Variants in CRYBG3 observed in about 807,000 individuals in gnomAD.
CRYBG3 encodes crystallin beta-gamma domain containing 3.
In CRYBG3, 127 loss-of-function variants were observed where a neutral mutation model predicts 244.2. The observed-to-expected ratio is 0.52, with a 90% CI of 0.45 to 0.60. The LOEUF is 0.60. Among genes scored for constraint, CRYBG3 ranks in the 20% least tolerant of loss-of-function variants. The probability of loss-of-function intolerance (pLI) is 0.00; values close to 1 mark genes in which losing one functional copy is unlikely to be tolerated. For synonymous variants in CRYBG3, 1,132 were observed against 1,195.8 expected (o/e 0.95, Z 1.10); for missense variants, 3,325 against 3,442.5 (o/e 0.97, Z 0.85).
chr3:97,911,676 C>A (rs181489726), intron 15 of CRYBG3, among the ~76,000 whole-genome samples: 1 of 152,202 alleles, frequency 6.6e-6, no homozygotes, highest in Non-Finnish European at 1.5e-5. Context: ...GGCATGTGCT[C>A]GTGCTCTCCT....
intron 3 of CRYBG3, among the ~76,000 whole-genome samples, chr3:97,865,434 T>C (rs140504385): frequency 2.0e-5 from 3 of 152,190 alleles, no homozygotes; most frequent in Admixed American, 6.5e-5. Flanking sequence ...GGAAGTTCTT[T>C]ATAGTTTCCA....
At position 97,870,754 on chromosome 3, in the gene CRYBG3, G is replaced by T. The variant is rs768015841; in HGVS notation, c.648-1088G>T. On this transcript the variant is annotated intron_variant, in intron 3 of 21. Transcript: ENST00000389622. ...TTCCTTTACTTATTCATTAATTCAT[G>T]AGAAGGTATTAAGCATATACAACTT... Among the ~76,000 whole-genome samples the T allele has an allele frequency of 5.9e-5, 9 of 152,140 alleles. No individual in the cohort carries two copies. In the East Asian group the frequency reaches 1.7e-3, roughly 29 times the overall value.
At position 97,922,210 on chromosome 3, in the gene CRYBG3, T is replaced by C. The variant is rs1270701596; in HGVS notation, c.8241+6474T>C. On this transcript the variant is annotated intron_variant, in intron 17 of 21. Coordinates refer to ENST00000389622, the MANE Select transcript of CRYBG3 (RefSeq NM_153605.4). ...ATTCAAGATGGATTAAAGACTTAAA[T>C]GTTAGACCTAAAACCATAAAAACCC... Among the ~76,000 whole-genome samples, 11 of 152,214 alleles carry C rather than the reference T, an allele frequency of 7.2e-5. 1 individual carries two copies. Among genetic ancestry groups the C allele is most frequent in the African/African-American group, 2.2e-4 (9 of 41,554 alleles).
chr3:97,935,764 G>A (rs2040157394), intron 18 of CRYBG3, among the ~76,000 whole-genome samples: 1 of 152,016 alleles, frequency 6.6e-6, no homozygotes, highest in Non-Finnish European at 1.5e-5. Context: ...CCCTGTTCCT[G>A]AGCTCTGGTC....
In CRYBG3 at chr3:97,873,292, T is replaced by C. The variant is rs1290574857; in HGVS notation, c.2098T>C (p.Cys700Arg). 1 of 1,535,642 alleles carries C rather than the reference T, an allele frequency of 6.5e-7. No individual in the cohort carries two copies. The highest frequency in any genetic ancestry group is 1.2e-5 in the South Asian group (1 of 83,984). Residue 700 changes from cysteine to arginine, a missense_variant, in exon 4 of 22, where the codon TGT becomes CGT. Coordinates refer to ENST00000389622, the MANE Select transcript of CRYBG3 (RefSeq NM_153605.4). The stretch of plus-strand genomic sequence containing the variant: ...TGGTATTTCCTATCAGCCTAGGAAG[T>C]GTAAAGAAGAAAATGTGAAAAACCA... ...IVGISYQPRK[C>R]KEENVKNHVE...
At chr3:97,849,880 C>A (rs2038958972) in intron 2 of CRYBG3, among the ~76,000 whole-genome samples, 1 of 152,136 alleles carries the variant, frequency 6.6e-6, no homozygotes, top group African/African-American at 2.4e-5. Context: ...GAGGGAATGG[C>A]TTTCCTGCCA....
chr3:97,888,584 G>C, intron 9 of CRYBG3, 129 bp downstream of exon 9: 1 of 684,076 alleles, frequency 1.5e-6, no homozygotes, highest in South Asian at 1.7e-5. Context: ...GCAAACTATT[G>C]TACTGTAGTG....
At position 97,872,487 on chromosome 3, in the gene CRYBG3, C is replaced by T; in HGVS notation, c.1293C>T (p.Gly431=). The T allele has an allele frequency of 6.5e-7, 1 of 1,535,924 alleles. No individual in the cohort carries two copies. Among genetic ancestry groups the T allele is most frequent in the South Asian group, 1.2e-5 (1 of 84,054 alleles). ...GAGAGGAGCTTGTTGAGCCTCAGGG[C>T]CCTGCTATTTCTGATTTCTCTTGTA... The part of the protein sequence containing the change: ...VQREELVEPQ[G]PAISDFSCSK... The change falls in exon 4 of 22, where the codon GGC becomes GGT. Residue 431 remains glycine (G), a synonymous_variant. Coordinates refer to ENST00000389622, the MANE Select transcript of CRYBG3 (RefSeq NM_153605.4).
In CRYBG3 at chr3:97,872,230, T is replaced by C. The variant is rs1414585949; in HGVS notation, c.1036T>C (p.Ser346Pro). 1 of 1,535,722 alleles carries C rather than the reference T, an allele frequency of 6.5e-7. No individual in the cohort carries two copies. The highest frequency in any genetic ancestry group is 2.4e-5 in the East Asian group (1 of 40,916). ...TTGGGGGAGTATTGAGAGAAATAGG[T>C]CATCCCCTTCTTCTGTGACTAACTC... Reference protein sequence around the residue: ...NAWGSIERNRSSPSSVTNSSY... With the variant: ...NAWGSIERNRPSPSSVTNSSY... Residue 346 changes from serine (S) to proline (P), a missense_variant, in exon 4 of 22, where the codon TCA (serine) becomes CCA (proline). Around this residue, in one of 4 missense-constraint regions of CRYBG3, gnomAD observed 1,526 missense variants for 1,443.2 expected, o/e 1.06. Coordinates refer to ENST00000389622, the MANE Select transcript of CRYBG3 (RefSeq NM_153605.4).
At chr3:97,864,028 T>C (rs993705069) in intron 2 of CRYBG3, among the ~76,000 whole-genome samples, 189 bp from the exon 3 acceptor site, 1 of 152,060 alleles carries the variant, frequency 6.6e-6, no homozygotes, top group African/African-American at 2.4e-5. Flanking sequence ...ACATTTACCG[T>C]ATAGCTTTTT....
At chr3:97,925,937 T>C (rs1340365764) in intron 17 of CRYBG3, among the ~76,000 whole-genome samples, 1 of 152,024 alleles carries the variant, frequency 6.6e-6, no homozygotes, top group African/African-American at 2.4e-5. Flanking sequence ...AGAGGCTCTA[T>C]GAGAAGGATT....
intron 1 of CRYBG3, among the ~76,000 whole-genome samples, chr3:97,825,676 A>G (rs2038568450): frequency 1.3e-5 from 2 of 152,202 alleles, no homozygotes; most frequent in African/African-American, 4.8e-5. Context: ...CATTGGGATA[A>G]CTGAAAATTC....
intron 7 of CRYBG3, among the ~76,000 whole-genome samples, chr3:97,882,329 A>G (rs2039457912): frequency 6.6e-6 from 1 of 151,990 alleles, no homozygotes; most frequent in East Asian, 1.9e-4. Flanking sequence ...TGATTTCCAG[A>G]TATATCTTTT....
At chr3:97,855,328 T>A (rs2039048381) in intron 2 of CRYBG3, among the ~76,000 whole-genome samples, 1 of 152,160 alleles carries the variant, frequency 6.6e-6, no homozygotes. Context: ...CCATGTCTGC[T>A]TTTGTTATCA....
rs908025134 is a variant in CRYBG3, at chr3:97,944,899, TTCTAAATGATACATTGGAATTG to T, written c.*1587_*1608del. ...ACAAAGCCAGGTTAATGACATTCAA[TTCTAAATGATACATTGGAATTG>T]TGCCTTTTCTACCACACTGGATTAA... is the stretch of plus-strand genomic sequence containing the variant. On this transcript the variant is annotated 3_prime_UTR_variant, in exon 22 of 22. Transcript: ENST00000389622. The T allele has an allele frequency of 4.5e-6, 1 of 220,464 alleles. No homozygotes were observed. Among genetic ancestry groups the T allele is most frequent in the African/African-American group, 2.3e-5 (1 of 44,022 alleles). 13.7% of individuals were successfully genotyped at this position (220,464 alleles called of 1,614,324 possible). A position where few individuals can be genotyped will look rare whatever the true frequency, so the allele number is the denominator to read the frequency against.
chr3:97,836,163 G>T (rs2038730273), intron 1 of CRYBG3, among the ~76,000 whole-genome samples: 1 of 152,168 alleles, frequency 6.6e-6, no homozygotes, highest in Non-Finnish European at 1.5e-5. Context: ...GAGAAAAGGA[G>T]TGTCAGAAGT....
At chr3:97,891,925 A>T (rs755194341) in intron 10 of CRYBG3, among the ~76,000 whole-genome samples, 1 of 152,196 alleles carries the variant, frequency 6.6e-6, no homozygotes, top group Non-Finnish European at 1.5e-5. Flanking sequence ...TTCTTTGGCC[A>T]TCCAGAAAAC....
At chr3:97,917,778 G>A (rs868813660) in intron 17 of CRYBG3, among the ~76,000 whole-genome samples, 2 of 152,076 alleles carry the variant, frequency 1.3e-5, no homozygotes, top group African/African-American at 2.4e-5. Context: ...CATAAGATTT[G>A]GGTAAAATAA....
intron 2 of CRYBG3, 133 bp from the exon 3 acceptor site, chr3:97,864,084 A>G (rs543551428): frequency 2.8e-6 from 2 of 712,422 alleles, no homozygotes; most frequent in South Asian, 4.1e-5. Context: ...GAACTGCCCA[A>G]AGGAACAGAA....
Sources: gnomAD v4.1 joint callset for allele counts (sites outside exome capture counted in the v4.1 genomes callset) on GRCh38, gnomAD v4.1.1 for gene constraint, gnomAD v4.1.1 regional missense constraint, MANE v1.5 for transcripts, NCBI Gene and HGNC (gene_info 2026-07-23, HGNC 2026-07-21) for gene names.